NCKAP1L: variants seen among roughly 807,000 people sequenced by gnomAD.
The protein encoded by NCKAP1L is nck-associated protein 1-like.
NCKAP1L carries 53 observed loss-of-function variants against 139.2 expected under a neutral mutation model. That is an observed-to-expected ratio of 0.38 (90% CI 0.31 to 0.48). The LOEUF (loss-of-function observed/expected upper bound fraction) is 0.48. Ranked by LOEUF, NCKAP1L falls within the 20% of genes least tolerant of loss-of-function variation. The pLI is 0.98. For synonymous variants in NCKAP1L, 468 were observed against 499.7 expected, an observed-to-expected ratio of 0.94 and a Z score of 0.85; for missense variants, 1,151 against 1,381.9, an observed-to-expected ratio of 0.83 and a Z score of 2.65.
intron 27 of NCKAP1L, among the ~76,000 whole-genome samples, chr12:54,535,574 C>T (rs1231296399): frequency 1.3e-5 from 2 of 152,168 alleles, no homozygotes; most frequent in African/African-American, 2.4e-5. Flanking sequence ...TGGTATAGCA[C>T]CCAAACTCCC....
At chr12:54,506,905 G>A (rs1396300690) in intron 3 of NCKAP1L, among the ~76,000 whole-genome samples, 3 of 145,558 alleles carry the variant, frequency 2.1e-5, no homozygotes, top group African/African-American at 5.1e-5. Context: ...GGAACAAAAC[G>A]AATCAGTGGA....
chr12:54,532,882 G>A (rs1957084148), intron 26 of NCKAP1L, among the ~76,000 whole-genome samples: 1 of 152,190 alleles, frequency 6.6e-6, no homozygotes, highest in Non-Finnish European at 1.5e-5. Flanking sequence ...GCTATGGCAG[G>A]AAATACAGCT....
chr12:54,530,234 T>A (rs2120953175), intron 22 of NCKAP1L, among the ~76,000 whole-genome samples: 1 of 152,352 alleles, frequency 6.6e-6, no homozygotes, highest in South Asian at 2.1e-4. Context: ...TCTACTGGTC[T>A]CTTGTTGTTG....
rs1305698347 is a variant in NCKAP1L at position 54,548,168 on chromosome 12, A to G, written c.*5483A>G. ...CTCCACTCAGTATTTAGAACAGAGTAAATACCTTCTCCTGATCACTCCTCC... is the reference window on the plus strand; with the variant it reads ...CTCCACTCAGTATTTAGAACAGAGTGAATACCTTCTCCTGATCACTCCTCC... On this transcript the variant is annotated 3_prime_UTR_variant, in exon 31 of 31. Transcript: ENST00000293373. 6.6e-6 allele frequency: 1 copy of G among 152,228 alleles called. No individual in the cohort carries two copies. Among genetic ancestry groups the G allele is most frequent in the African/African-American group, 2.4e-5 (1 of 41,452 alleles). The allele number at this position is 152,228 out of a possible 1,614,324, so 9.4% of individuals were successfully genotyped here. A position where few individuals can be genotyped will look rare whatever the true frequency, so the allele number is the denominator to read the frequency against.
chr12:54,508,319 G>T lies in NCKAP1L; in HGVS notation c.364-70G>T. The T allele has an allele frequency of 2.7e-6, 4 of 1,479,666 alleles. No homozygotes were observed. In the Admixed American group the frequency reaches 6.7e-5, roughly 25 times the overall value. 91.7% of individuals were successfully genotyped at this position (1,479,666 alleles called of 1,614,324 possible). A position where few individuals can be genotyped will look rare whatever the true frequency, so the allele number is the denominator to read the frequency against. On this transcript the variant is annotated intron_variant, in intron 4 of 30. Transcript: ENST00000293373. ...AATATATTGAGCACTGTCCAGAGTG[G>T]TTGGGGAAAGAAGGAGATCCAGGTT...
At chr12:54,521,688 T>C (rs1956984417) in intron 18 of NCKAP1L, among the ~76,000 whole-genome samples, 1 of 152,184 alleles carries the variant, frequency 6.6e-6, no homozygotes, top group Non-Finnish European at 1.5e-5. Flanking sequence ...CAAGGCTGCT[T>C]TCTTGCCTTT....
At chr12:54,527,363 G>C (rs1214973986) in intron 21 of NCKAP1L, among the ~76,000 whole-genome samples, 1 of 152,188 alleles carries the variant, frequency 6.6e-6, no homozygotes, top group African/African-American at 2.4e-5. Flanking sequence ...AGAACAAGGG[G>C]AAACAAAGTT....
rs371675125 is a variant in NCKAP1L, at chr12:54,508,526, G to A, written c.501G>A (p.Gly167=). 27 of 1,614,012 alleles carry A rather than the reference G, an allele frequency of 1.7e-5. No individual in the cohort carries two copies. The highest frequency in any genetic ancestry group is 1.6e-4 in the African/African-American group (12 of 74,946). ...ATTGTGCCCATGAGATGCTGCATGGGCATGGGTGAGTTAAGGCGAGAGTAT... is the reference window on the plus strand; with the variant it reads ...ATTGTGCCCATGAGATGCTGCATGGACATGGGTGAGTTAAGGCGAGAGTAT... The part of the protein sequence containing the change: ...MYNCAHEMLH[G]HGDPSFARLG... Residue 167 remains glycine, a synonymous_variant, in exon 5 of 31, where the codon GGG becomes GGA. Transcript: ENST00000293373.
intron 13 of NCKAP1L, among the ~76,000 whole-genome samples, 174 bp downstream of exon 13, chr12:54,518,112 G>A (rs567211005): frequency 3.9e-5 from 6 of 152,122 alleles, no homozygotes; most frequent in Admixed American, 6.5e-5. Context: ...AGGCCTAGGC[G>A]GGCAGATCAC....
chr12:54,539,047 T>G (rs554105294), intron 30 of NCKAP1L, 74 bp downstream of exon 30: 1 of 1,297,580 alleles, frequency 7.7e-7, no homozygotes, highest in African/African-American at 1.5e-5. Context: ...TTAGGGTCTT[T>G]GCATCCTTGC....
At chr12:54,516,151 A>G in intron 9 of NCKAP1L, 88 bp from the exon 10 acceptor site, 1 of 1,364,964 alleles carries the variant, frequency 7.3e-7, no homozygotes, top group East Asian at 2.3e-5. Context: ...ACCAGGGTAT[A>G]GGCTGGACTC....
intron 27 of NCKAP1L, 124 bp downstream of exon 27, chr12:54,535,321 A>G: frequency 1.5e-6 from 1 of 670,584 alleles, no homozygotes; most frequent in Non-Finnish European, 2.5e-6. Context: ...ATAAGCTGGG[A>G]GTGAAGGAAG....
At chr12:54,533,283 T>C (rs979478982) in intron 26 of NCKAP1L, among the ~76,000 whole-genome samples, 8 of 152,244 alleles carry the variant, frequency 5.3e-5, no homozygotes, top group African/African-American at 1.9e-4. Context: ...TGCCTGCCTG[T>C]GAAAATAAGC....
intron 7 of NCKAP1L, chr12:54,510,248 G>A: frequency 1.9e-6 from 1 of 520,974 alleles, no homozygotes; most frequent in South Asian, 2.1e-5. Context: ...AATATTCATA[G>A]AATGAATGAA....
At chr12:54,522,694 T>C (rs950236942) in intron 18 of NCKAP1L, among the ~76,000 whole-genome samples, 18 of 152,194 alleles carry the variant, frequency 1.2e-4, no homozygotes, top group Admixed American at 3.3e-4. Flanking sequence ...GTGTGGGTCT[T>C]ATGCTGCTCT....
chr12:54,545,033 C>T lies in NCKAP1L; in HGVS notation c.*2348C>T, dbSNP rs1194340136. 6.6e-6 allele frequency: 1 copy of T among 152,136 alleles called. No individual in the cohort carries two copies. The highest frequency in any genetic ancestry group is 1.9e-4 in the East Asian group (1 of 5,192). 9.4% of individuals were successfully genotyped at this position (152,136 alleles called of 1,614,324 possible). On this transcript the variant is annotated 3_prime_UTR_variant, in exon 31 of 31. Coordinates refer to ENST00000293373, the MANE Select transcript of NCKAP1L (RefSeq NM_005337.5). ...TAATAATTTAAAAAAAGATACAGAA[C>T]AGTTCCATCACCACAAGGATCCCTC...
chr12:54,524,080 A>G, intron 20 of NCKAP1L, 124 bp downstream of exon 20: 1 of 1,007,288 alleles, frequency 9.9e-7, no homozygotes, highest in South Asian at 1.6e-5. Context: ...GTCATGCCAC[A>G]CGGTGGAGAT....
rs541277224 is a variant in NCKAP1L at position 54,519,377 on chromosome 12, C to CTT, written c.1625+50_1625+51dup. ...TCTCTTTAAAAAGTTTTATTGTTTC[C>CTT]TTTTTTCATTTTTTTCTCCATTATG... On this transcript the variant is annotated intron_variant, in intron 16 of 30. Transcript: ENST00000293373. 15 of 1,361,352 alleles carry CTT rather than the reference C, an allele frequency of 1.1e-5. No homozygotes were observed. In the African/African-American group the frequency reaches 2.1e-4, roughly 19 times the overall value. 84.3% of individuals were successfully genotyped at this position (1,361,352 alleles called of 1,614,324 possible). A position where few individuals can be genotyped will look rare whatever the true frequency, so the allele number is the denominator to read the frequency against.
intron 3 of NCKAP1L, among the ~76,000 whole-genome samples, chr12:54,506,447 G>T (rs2120886222): frequency 1.3e-5 from 2 of 151,800 alleles, no homozygotes; most frequent in East Asian, 3.9e-4. Context: ...CTGTCACCCA[G>T]GCTGGAGTGC....
Sources: gnomAD v4.1 joint callset for allele counts (sites outside exome capture counted in the v4.1 genomes callset) on GRCh38, gnomAD v4.1.1 for gene constraint, MANE v1.5 for transcripts, NCBI Gene and HGNC (gene_info 2026-07-23, HGNC 2026-07-21) for gene names.